Variants in COQ7 observed in about 807,000 individuals in gnomAD.
COQ7 encodes the protein NADPH-dependent 3-demethoxyubiquinone 3-hydroxylase, mitochondrial.
A neutral mutation model predicts 25.0 loss-of-function variants in COQ7; 21 were observed. The ratio of observed to expected loss-of-function variants is 0.84; its 90% CI spans 0.60 to 1.21. COQ7 has a LOEUF of 1.21. Among genes scored for constraint, COQ7 ranks in the 50% most tolerant of loss-of-function variants. The pLI, the probability that COQ7 is intolerant of heterozygous loss-of-function variation, is 0.00. For missense variants in COQ7, 311 were observed against 296.2 expected (o/e 1.05, Z -0.37); for synonymous variants, 125 against 112.4 (o/e 1.11, Z -0.71).
chr16:19,067,889 G>T, intron 1 of COQ7, 152 bp downstream of exon 1: 7 of 1,494,822 alleles, frequency 4.7e-6, no homozygotes, highest in South Asian at 1.3e-5. Flanking sequence ...CCTCCGGGGC[G>T]CTGGCGGGCG....
At position 19,078,238 on chromosome 16, in the gene COQ7, A is replaced by G. The variant is rs368428708; in HGVS notation, c.*80A>G. On this transcript the variant is annotated 3_prime_UTR_variant, in exon 6 of 6. Transcript: ENST00000321998. ...TTTGCAGAGAAACAGGTGTACAGTT[A>G]TCGTTGTACTTTTGTACAATGTGAA... The G allele has an allele frequency of 1.4e-5, 15 of 1,063,590 alleles. No individual in the cohort carries two copies. The highest frequency in any genetic ancestry group is 4.9e-5 in the African/African-American group (3 of 61,112). 65.9% of individuals were successfully genotyped at this position (1,063,590 alleles called of 1,614,324 possible).
chr16:19,075,316 C>T (rs934821058), intron 3 of COQ7, among the ~76,000 whole-genome samples: 8 of 151,790 alleles, frequency 5.3e-5, no homozygotes, highest in Admixed American at 4.6e-4. Context: ...GATTTTCCTG[C>T]CTCAGCCTCC....
At position 19,077,120 on chromosome 16, in the gene COQ7, G is replaced by A. The variant is rs540828393; in HGVS notation, c.508-186G>A. Among the ~76,000 whole-genome samples, 11 of 152,228 alleles carry A rather than the reference G, an allele frequency of 7.2e-5. No homozygotes were observed. The South Asian group carries it at 2.3e-3, about 32-fold the overall frequency. The stretch of plus-strand genomic sequence containing the variant: ...CACGTCCATTTGTTTGCATGTCTCC[G>A]GCTGCTTTTCTGGTTACAGTGGCAG... On this transcript the variant is annotated intron_variant, in intron 4 of 5. Coordinates refer to ENST00000321998, the MANE Select transcript of COQ7 (RefSeq NM_016138.5).
At chr16:19,067,808 G>T in intron 1 of COQ7, 71 bp downstream of exon 1, 4 of 1,566,118 alleles carry the variant, frequency 2.6e-6, no homozygotes, top group Non-Finnish European at 3.4e-6. Context: ...TGAGGTTTGG[G>T]TCGAAGAGGT....
chr16:19,075,957 A>T lies in COQ7; in HGVS notation c.507+97A>T, dbSNP rs531248347. The T allele has an allele frequency of 2.4e-4, 370 of 1,521,360 alleles. 5 individuals are homozygous for T. In the South Asian group the frequency reaches 3.7e-3, roughly 15 times the overall value. 94.2% of individuals were successfully genotyped at this position (1,521,360 alleles called of 1,614,324 possible). A position where few individuals can be genotyped will look rare whatever the true frequency, so the allele number is the denominator to read the frequency against. On this transcript the variant is annotated intron_variant, in intron 4 of 5. Transcript: ENST00000321998. The stretch of plus-strand genomic sequence containing the variant: ...ACATGTTAGAGATTGTTAGGGGATG[A>T]TGGGGGTTTAGAGGCTCAGGTCAGT...
chr16:19,078,746 C>G lies in COQ7; in HGVS notation c.*588C>G, dbSNP rs561101308. ...GGATTACAGGTGTGAGCCACTTCACCAGGCCCATTTTCTCCTAAAACTTCA... is the reference window on the plus strand; with the variant it reads ...GGATTACAGGTGTGAGCCACTTCACGAGGCCCATTTTCTCCTAAAACTTCA... On this transcript the variant is annotated 3_prime_UTR_variant, in exon 6 of 6. Transcript: ENST00000321998. 1 of 152,234 alleles carries G rather than the reference C, an allele frequency of 6.6e-6. No individual in the cohort carries two copies. The highest frequency in any genetic ancestry group is 1.9e-4 in the East Asian group (1 of 5,188). The allele number at this position is 152,234 out of a possible 1,614,324, so 9.4% of individuals were successfully genotyped here.
chr16:19,073,308 C>CA (rs71374455), intron 2 of COQ7, among the ~76,000 whole-genome samples: 2 of 138,994 alleles, frequency 1.4e-5, no homozygotes, highest in African/African-American at 2.7e-5. Flanking sequence ...GACTCCGTCT[C>CA]AAAAAAACAA....
rs573214548 is a variant in COQ7 at position 19,077,462 on chromosome 16, A to G, written c.576+88A>G. On this transcript the variant is annotated intron_variant, in intron 5 of 5. Coordinates refer to ENST00000321998, the MANE Select transcript of COQ7 (RefSeq NM_016138.5). Reference sequence around the variant, plus strand: ...GAGGTTTCTGTTGCCAGAAAAATACATTTTAAAGTGACAGCGAAAGGGAGA... The same window carrying G: ...GAGGTTTCTGTTGCCAGAAAAATACGTTTTAAAGTGACAGCGAAAGGGAGA... 789 of 1,126,118 alleles carry G rather than the reference A, an allele frequency of 7.0e-4. 4 individuals are homozygous for G. The African/African-American group carries it at 0.011, about 15-fold the overall frequency. 69.8% of individuals were successfully genotyped at this position (1,126,118 alleles called of 1,614,324 possible).
chr16:19,081,078 T>C (rs894819705), downstream of COQ7, among the ~76,000 whole-genome samples: 1 of 152,192 alleles, frequency 6.6e-6, no homozygotes, highest in Admixed American at 6.5e-5. Flanking sequence ...TGTTTAACTT[T>C]TTGCTTAAAA....
intron 3 of COQ7, among the ~76,000 whole-genome samples, chr16:19,074,593 G>C (rs71382597): frequency 6.6e-6 from 1 of 151,982 alleles, no homozygotes; most frequent in African/African-American, 2.4e-5. Flanking sequence ...GCCCAGGCTG[G>C]AGTACAGTGG....
chr16:19,078,932 TGTG>T lies in COQ7; in HGVS notation c.*776_*778del, dbSNP rs1963000643. The T allele has an allele frequency of 6.6e-6, 1 of 152,148 alleles. No homozygotes were observed. The highest frequency in any genetic ancestry group is 1.5e-5 in the Non-Finnish European group (1 of 68,028). 9.4% of individuals were successfully genotyped at this position (152,148 alleles called of 1,614,324 possible). Reference sequence around the variant, plus strand: ...AAAGATCATCGTTTCTGTTTTGAATTGTGGGTGATAATGGGTGGGAGAGTGCTA... The same window carrying T: ...AAAGATCATCGTTTCTGTTTTGAATTGGTGATAATGGGTGGGAGAGTGCTA... On this transcript the variant is annotated 3_prime_UTR_variant, in exon 6 of 6. Coordinates refer to ENST00000321998, the MANE Select transcript of COQ7 (RefSeq NM_016138.5).
chr16:19,076,656 C>T (rs916564763), intron 4 of COQ7, among the ~76,000 whole-genome samples: 2 of 136,440 alleles, frequency 1.5e-5, no homozygotes, highest in South Asian at 2.4e-4. Flanking sequence ...GTGCAGTGGT[C>T]TCCGCCTGCA....
intron 4 of COQ7, 147 bp downstream of exon 4, chr16:19,076,007 T>A (rs992593093): frequency 4.3e-5 from 46 of 1,064,918 alleles, no homozygotes; most frequent in Non-Finnish European, 6.1e-5. Context: ...GTGAGCAAAC[T>A]GAGGAACAGA....
rs200003846 is a variant in COQ7 at position 19,073,902 on chromosome 16, A to G, written c.253-19A>G. 1,987 of 1,597,350 alleles carry G rather than the reference A, an allele frequency of 1.2e-3. 4 individuals carry two copies. Among genetic ancestry groups the G allele is most frequent in the Non-Finnish European group, 1.6e-3 (1,891 of 1,165,750 alleles). On this transcript the variant is annotated intron_variant, in intron 2 of 5. Transcript: ENST00000321998. ...CTCTATGGAATGCTTGCATGTCTTTATTTTTATGTTTCTTGCAGAAAATGT... is the reference window on the plus strand; with the variant it reads ...CTCTATGGAATGCTTGCATGTCTTTGTTTTTATGTTTCTTGCAGAAAATGT...
intron 1 of COQ7, chr16:19,068,260 G>T (rs1440196013): frequency 4.0e-6 from 4 of 995,670 alleles, no homozygotes; most frequent in Non-Finnish European, 4.8e-6. Flanking sequence ...AACTGTGAAA[G>T]CCATCAGTGT....
rs529955941 is a variant in COQ7, at chr16:19,067,714, C to G, written c.50C>G (p.Pro17Arg). ...AAAPRLWRLR[P>R]GARRSLSAYG... The stretch of plus-strand genomic sequence containing the variant: ...GCTCCCCGCCTTTGGCGGCTGCGCC[C>G]GGGGGCCCGGCGGTCCCTCTCAGGT... Residue 17 changes from proline to arginine, a missense_variant, in exon 1 of 6, where the codon CCG becomes CGG. Physicochemically the swap from Pro to Arg is moderately radical, Grantham distance 103. Transcript: ENST00000321998. 2.4e-5 allele frequency: 39 copies of G among 1,606,788 alleles called. No individual in the cohort carries two copies. Among genetic ancestry groups the G allele is most frequent in the Non-Finnish European group, 3.1e-5 (37 of 1,177,960 alleles).
intron 4 of COQ7, among the ~76,000 whole-genome samples, chr16:19,076,553 C>T (rs1962850354): frequency 1.4e-5 from 2 of 148,004 alleles, no homozygotes; most frequent in East Asian, 2.0e-4. Flanking sequence ...GCTGAGATTA[C>T]AGGTGTGAGC....
intron 4 of COQ7, among the ~76,000 whole-genome samples, chr16:19,076,140 A>C (rs1962827095): frequency 6.6e-6 from 1 of 152,040 alleles, no homozygotes; most frequent in Non-Finnish European, 1.5e-5. Context: ...AGGCCGGAGT[A>C]CAGTGGCACA....
intron 1 of COQ7, among the ~76,000 whole-genome samples, chr16:19,070,983 A>G (rs961165237): frequency 2.6e-5 from 4 of 152,252 alleles, no homozygotes; most frequent in African/African-American, 9.6e-5. Flanking sequence ...AAGATAAAAT[A>G]TAATCTGTCA....
Sources: gnomAD v4.1 joint callset for allele counts (sites outside exome capture counted in the v4.1 genomes callset) on GRCh38, gnomAD v4.1.1 for gene constraint, MANE v1.5 for transcripts, NCBI Gene and HGNC (gene_info 2026-07-23, HGNC 2026-07-21) for gene names.